The following FAM81A variants were observed in gnomAD, a reference collection of about 807,000 sequenced individuals.
FAM81A encodes family with sequence similarity 81 member A, also known as protein FAM81A.
A neutral mutation model predicts 46.7 loss-of-function variants in FAM81A; 19 were observed. The ratio of observed to expected loss-of-function variants is 0.41; its 90% CI spans 0.28 to 0.60. The LOEUF is 0.60. Ranked by LOEUF, FAM81A falls within the 20% of genes least tolerant of loss-of-function variation. The pLI is 0.34. For synonymous variants in FAM81A, 183 were observed against 152.9 expected, an observed-to-expected ratio of 1.20 and a Z score of -1.45; for missense variants, 377 against 453.5, an observed-to-expected ratio of 0.83 and a Z score of 1.53.
At chr15:59,507,517 T>A (rs1471403970) in intron 5 of FAM81A, among the ~76,000 whole-genome samples, 175 bp downstream of exon 5, 1 of 152,202 alleles carries the variant, frequency 6.6e-6, no homozygotes, top group African/African-American at 2.4e-5. Flanking sequence ...GAGTGGCCCT[T>A]CATGTGTCTG....
intron 8 of FAM81A, among the ~76,000 whole-genome samples, chr15:59,519,470 CCTTTCCTTCCTT>C (rs1469560715): frequency 1.0e-4 from 15 of 146,864 alleles, no homozygotes; most frequent in African/African-American, 3.9e-4. Context: ...CTCCCTCCCT[CCTTTCCTTCCTT>C]CCTTCCTTCC....
chr15:59,407,808 CA>C (rs1158297515), intron 2 of FAM81A: 1 of 248,660 alleles, frequency 4.0e-6, no homozygotes, highest in Non-Finnish European at 7.6e-6. Context: ...TCCAGGCCAG[CA>C]GCCTCTGCTT....
intron 4 of FAM81A, among the ~76,000 whole-genome samples, chr15:59,500,433 G>A (rs146182663): frequency 6.6e-5 from 10 of 152,054 alleles, no homozygotes; most frequent in African/African-American, 1.9e-4. Flanking sequence ...GAGTAGCTGG[G>A]ACTGTAGGCA....
At chr15:59,484,397 A>T (rs11853900) in intron 3 of FAM81A, among the ~76,000 whole-genome samples, 13,178 of 152,214 alleles carry the variant, frequency 0.087, 706 homozygotes, top group African/African-American at 0.15. Context: ...ATGAGAACCA[A>T]AAAGCAGGTA....
chr15:59,466,030 A>G (rs915333674), intron 3 of FAM81A, among the ~76,000 whole-genome samples: 1 of 152,214 alleles, frequency 6.6e-6, no homozygotes, highest in Non-Finnish European at 1.5e-5. Flanking sequence ...CCTGCAAAGG[A>G]CATGAACTCA....
intron 1 of FAM81A, among the ~76,000 whole-genome samples, chr15:59,449,147 G>A (rs2081385544): frequency 6.6e-6 from 1 of 152,146 alleles, no homozygotes; most frequent in Non-Finnish European, 1.5e-5. Flanking sequence ...CTTTTGCCAT[G>A]GAATTCCAAT....
At position 59,460,479 on chromosome 15, in the gene FAM81A, TAATG is replaced by T. The variant is rs370081018; in HGVS notation, c.294+276_294+279del. 2,789 of 507,250 alleles carry T rather than the reference TAATG, an allele frequency of 5.5e-3. 22 individuals are homozygous for T. Among genetic ancestry groups the T allele is most frequent in the Middle Eastern group, 0.015 (26 of 1,768 alleles). 31.4% of individuals were successfully genotyped at this position (507,250 alleles called of 1,614,324 possible). A position where few individuals can be genotyped will look rare whatever the true frequency, so the allele number is the denominator to read the frequency against. ...AAATGATTTTATTTTGTTTGGCTCT[TAATG>T]AAGAGAGAGAAGAACTAGTCGAATA... is the stretch of plus-strand genomic sequence containing the variant. On this transcript the variant is annotated intron_variant, in intron 3 of 8. Coordinates refer to ENST00000288228, the MANE Select transcript of FAM81A (RefSeq NM_152450.3). The surrounding 1 kb of genome is among the most constrained non-coding windows in gnomAD (Gnocchi z 4.4).
At chr15:59,462,202 CA>C (rs58692315) in intron 3 of FAM81A, among the ~76,000 whole-genome samples, 870 of 67,536 alleles carry the variant, frequency 0.013, 3 homozygotes, top group Middle Eastern at 0.021. Flanking sequence ...GACTGCATCT[CA>C]AAAAAAAAAA....
chr15:59,445,762 G>T (rs1330416843), intron 1 of FAM81A, among the ~76,000 whole-genome samples: 1 of 152,240 alleles, frequency 6.6e-6, no homozygotes, highest in Non-Finnish European at 1.5e-5. Flanking sequence ...TTAGTAGGTA[G>T]AGAGTTTACA....
chr15:59,482,327 G>T (rs1405926801), intron 3 of FAM81A, among the ~76,000 whole-genome samples: 1 of 152,120 alleles, frequency 6.6e-6, no homozygotes, highest in East Asian at 1.9e-4. Context: ...GGAGGACAAT[G>T]GTGTGATCTT....
intron 3 of FAM81A, among the ~76,000 whole-genome samples, chr15:59,486,862 G>T (rs943911128): frequency 6.6e-6 from 1 of 152,042 alleles, no homozygotes; most frequent in Non-Finnish European, 1.5e-5. Flanking sequence ...TCAACACCAG[G>T]CCTGTCCTAC....
At chr15:59,443,520 G>A (rs868532072) in intron 1 of FAM81A, among the ~76,000 whole-genome samples, 2 of 152,166 alleles carry the variant, frequency 1.3e-5, no homozygotes, top group Non-Finnish European at 2.9e-5. Context: ...ACCTTGACAC[G>A]TTTGAAGGGT....
At chr15:59,492,434 T>A in intron 4 of FAM81A, 45 bp downstream of exon 4, 1 of 1,476,404 alleles carries the variant, frequency 6.8e-7, no homozygotes, top group African/African-American at 1.4e-5. Flanking sequence ...AAAACCATTT[T>A]CTATAAACTC....
At chr15:59,448,259 C>A (rs1389826593) in intron 1 of FAM81A, among the ~76,000 whole-genome samples, 6 of 152,092 alleles carry the variant, frequency 3.9e-5, no homozygotes, top group Non-Finnish European at 8.8e-5. Context: ...CACCTGTAAT[C>A]CCAGATACTC....
chr15:59,520,563 ATTT>A (rs71119482), intron 8 of FAM81A, among the ~76,000 whole-genome samples: 6 of 122,226 alleles, frequency 4.9e-5, no homozygotes, highest in Non-Finnish European at 8.8e-5. Context: ...TGTTTGCTTC[ATTT>A]TTTTTTTTTT....
chr15:59,414,899 T>C (rs1385137588), intron 2 of FAM81A, among the ~76,000 whole-genome samples: 2 of 151,920 alleles, frequency 1.3e-5, no homozygotes, highest in African/African-American at 4.8e-5. Flanking sequence ...CACTGCAAGC[T>C]CCGCCTCCCA....
chr15:59,458,560 T>G lies in FAM81A; in HGVS notation c.-67T>G. 2 of 1,612,502 alleles carry G rather than the reference T, an allele frequency of 1.2e-6. No homozygotes were observed. Among genetic ancestry groups the G allele is most frequent in the Non-Finnish European group, 1.7e-6 (2 of 1,179,252 alleles). ...TTATTTTTTCAACAGATGTGAATTA[T>G]TAAAAAGAAAATGGCCCAACGGAGC... On this transcript the variant is annotated 5_prime_UTR_variant, in exon 2 of 9. The change creates a premature stop within an existing upstream ORF in the 5' untranslated region. Transcript: ENST00000288228.
chr15:59,411,003 G>A (rs566111860), intron 2 of FAM81A, among the ~76,000 whole-genome samples: 4 of 152,290 alleles, frequency 2.6e-5, no homozygotes, highest in African/African-American at 9.6e-5. Context: ...TTTTGCCTCG[G>A]CCTCCCAAAG....
chr15:59,455,644 T>A (rs1435778419), intron 1 of FAM81A, among the ~76,000 whole-genome samples: 1 of 152,210 alleles, frequency 6.6e-6, no homozygotes, highest in African/African-American at 2.4e-5. Context: ...TTCTGAATAA[T>A]GTGTCTTGTG....
Sources: gnomAD v4.1 joint callset for allele counts (sites outside exome capture counted in the v4.1 genomes callset) on GRCh38, gnomAD v4.1.1 for gene constraint, Gnocchi (gnomAD v3.1) non-coding constraint, MANE v1.5 for transcripts, NCBI Gene and HGNC (gene_info 2026-07-23, HGNC 2026-07-21) for gene names.